The following C12orf57 variants were observed in gnomAD, a reference collection of about 807,000 sequenced individuals.
The protein encoded by C12orf57 is chromosome 12 open reading frame 57.
A neutral mutation model predicts 11.3 loss-of-function variants in C12orf57; 14 were observed. The ratio of observed to expected loss-of-function variants is 1.24; its 90% confidence interval spans 0.82 to 1.94. The LOEUF is 1.94. C12orf57 is among the 30% of genes most tolerant of loss of function. The pLI, the probability that C12orf57 is intolerant of heterozygous loss-of-function variation, is 0.00. For synonymous variants in C12orf57, 100 were observed against 74.6 expected (o/e 1.34, Z -1.76); for missense variants, 229 against 172.4 (o/e 1.33, Z -1.84).
At chr12:6,943,970 T>C (rs1395352721), upstream of C12orf57, 11 of 1,557,428 alleles carry the variant, frequency 7.1e-6, no homozygotes, top group African/African-American at 1.4e-5. Context: ...AAGCTTGGGG[T>C]ATGAAGGTTT....
intron 2 of C12orf57, among the ~76,000 whole-genome samples, chr12:6,945,367 G>C (rs74057229): frequency 0.015 from 2,208 of 152,106 alleles, 48 homozygotes; most frequent in African/African-American, 0.045. Flanking sequence ...TTTTTGTTTG[G>C]GGGGGGTTGG....
Position 6,944,242 on chromosome 12 carries a change from GGGAGGATGCGGGC to G in C12orf57, c.52+78_52+90del, listed in dbSNP as rs1219406002. On this transcript the variant is annotated intron_variant, in intron 1 of 2. Coordinates refer to ENST00000229281, the MANE Select transcript of C12orf57 (RefSeq NM_138425.4). ...AGTCAAGGCATGGGCTGCTGGTCTG[GGGAGGATGCGGGC>G]GGAGGATGTGGGGCGACAAACCTGG... 12 of 1,612,456 alleles carry G rather than the reference GGGAGGATGCGGGC, an allele frequency of 7.4e-6. No homozygotes were observed. The East Asian group carries it at 1.3e-4, about 18-fold the overall frequency.
In C12orf57 at chr12:6,945,911, G is replaced by T; in HGVS notation, c.370G>T (p.Ala124Ser). 6.2e-7 allele frequency: 1 copy of T among 1,611,404 alleles called. No homozygotes were observed. The highest frequency in any genetic ancestry group is 8.5e-7 in the Non-Finnish European group (1 of 1,179,614). ...TGGGCCTGCTGCTGGTGGCAGCGTG[G>T]CCGCCTCCTGAGAGTTGGCCCTCCC... ...PHGPAAGGSV[A>S]AS Residue 124 changes from alanine (A) to serine (S), a missense_variant, in exon 3 of 3, where the codon GCC (alanine) becomes TCC (serine). Physicochemically the swap from Ala to Ser is moderately conservative, Grantham distance 99. Coordinates refer to ENST00000229281, the MANE Select transcript of C12orf57 (RefSeq NM_138425.4).
upstream of C12orf57, chr12:6,943,944 G>T (rs782323046): frequency 9.7e-6 from 14 of 1,446,370 alleles, no homozygotes; most frequent in East Asian, 2.3e-5. Context: ...AGTTTTGGTG[G>T]TCTTGATGCA....
upstream of C12orf57, chr12:6,943,924 A>G (rs782090372): frequency 1.0e-4 from 137 of 1,319,576 alleles, no homozygotes; most frequent in African/African-American, 1.8e-4. Context: ...ACTGTGCAAA[A>G]ATTATGGGTA....
intron 2 of C12orf57, chr12:6,944,911 T>C (rs1945761898): frequency 7.4e-7 from 1 of 1,358,402 alleles, no homozygotes; most frequent in African/African-American, 1.5e-5. Flanking sequence ...TTTTTTCAGA[T>C]TTCGGAATAT....
upstream of C12orf57, chr12:6,943,895 C>A (rs144953190): frequency 1.3e-4 from 136 of 1,082,478 alleles, no homozygotes; most frequent in Middle Eastern, 3.0e-4. Context: ...ATGTTTGTTG[C>A]CAATGATAGA....
Position 6,944,097 on chromosome 12 carries a change from C to T in C12orf57, c.-25C>T, listed in dbSNP as rs782565544. ...TTCGTGAGTTTTCCATTTACCTCCG[C>T]TGAACCTAGAGCTTCAGACGCCCTA... On this transcript the variant is annotated 5_prime_UTR_variant, in exon 1 of 3. Coordinates refer to ENST00000229281, the MANE Select transcript of C12orf57 (RefSeq NM_138425.4). 1 of 1,614,174 alleles carries T rather than the reference C, an allele frequency of 6.2e-7. No individual in the cohort carries two copies. The highest frequency in any genetic ancestry group is 8.5e-7 in the Non-Finnish European group (1 of 1,180,008).
upstream of C12orf57, chr12:6,943,510 C>T (rs1173419950): frequency 2.3e-6 from 3 of 1,277,734 alleles, no homozygotes; most frequent in African/African-American, 1.5e-5. Context: ...GCGACAACGG[C>T]TTTTGCTCTG....
At chr12:6,945,625 C>T in intron 2 of C12orf57, 146 bp from the exon 3 acceptor site, 1 of 812,182 alleles carries the variant, frequency 1.2e-6, no homozygotes, top group Non-Finnish European at 2.1e-6. Flanking sequence ...CCAAACCACA[C>T]GGGACAGAGG....
At chr12:6,944,452 C>T (rs781793091) in intron 1 of C12orf57, 24 bp from the exon 2 acceptor site, 2 of 1,607,446 alleles carry the variant, frequency 1.2e-6, no homozygotes, top group Middle Eastern at 2.2e-4. Context: ...CGGGACGCCT[C>T]CCTGGGATGC....
upstream of C12orf57, chr12:6,943,712 C>T (rs1555145379): frequency 1.3e-5 from 17 of 1,276,830 alleles, no homozygotes; most frequent in African/African-American, 1.5e-5. Flanking sequence ...CCACATGCGT[C>T]GTTGTTTATA....
rs782414883 is a variant in C12orf57, at chr12:6,945,805, C to T, written c.264C>T (p.Tyr88=). 18 of 1,613,656 alleles carry T rather than the reference C, an allele frequency of 1.1e-5. No homozygotes were observed. Among genetic ancestry groups the T allele is most frequent in the Non-Finnish European group, 1.4e-5 (17 of 1,179,868 alleles). The part of the protein sequence containing the change: ...VLKFARLVKS[Y]EAQDPEIASL... Reference sequence around the variant, plus strand: ...AGTTTGCTCGCTTGGTCAAGTCCTACGAAGCCCAGGATCCTGAGATCGCCA... The same window carrying T: ...AGTTTGCTCGCTTGGTCAAGTCCTATGAAGCCCAGGATCCTGAGATCGCCA... Residue 88 remains tyrosine, a synonymous_variant, in exon 3 of 3, where the codon TAC becomes TAT. Transcript: ENST00000229281.
chr12:6,944,430 CCGACGCCTACCCG>C, intron 1 of C12orf57, 33 bp from the exon 2 acceptor site: 1 of 1,592,142 alleles, frequency 6.3e-7, no homozygotes, highest in African/African-American at 1.3e-5. Context: ...TGTCTGTTCT[CCGACGCCTACCCG>C]GGACGCCTCC....
intron 1 of C12orf57, 77 bp from the exon 2 acceptor site, chr12:6,944,399 T>C: frequency 6.4e-7 from 1 of 1,565,664 alleles, no homozygotes; most frequent in Non-Finnish European, 8.6e-7. Flanking sequence ...ACTAATTCCT[T>C]GCGCTCTCCG....
intron 1 of C12orf57, 21 bp from the exon 2 acceptor site, chr12:6,944,455 T>C (rs1945741098): frequency 6.2e-7 from 1 of 1,608,496 alleles, no homozygotes; most frequent in South Asian, 1.1e-5. Context: ...GACGCCTCCC[T>C]GGGATGCTTC....
At position 6,944,571 on chromosome 12, in the gene C12orf57, A is replaced by G. The variant is rs1555146041; in HGVS notation, c.148A>G (p.Met50Val). The change falls in exon 2 of 3, where the codon ATG becomes GTG. Residue 50 changes from methionine to valine, a missense_variant. Coordinates refer to ENST00000229281, the MANE Select transcript of C12orf57 (RefSeq NM_138425.4). ...TAACGCCTGCAACGACATGGGTAAG[A>G]TGCTGCAATTCGTGCTGCCCGTGGC... is the stretch of plus-strand genomic sequence containing the variant. ...RDNACNDMGK[M>V]LQFVLPVATQ... The G allele has an allele frequency of 6.2e-7, 1 of 1,614,188 alleles. No individual in the cohort carries two copies. Among genetic ancestry groups the G allele is most frequent in the South Asian group, 1.1e-5 (1 of 91,092 alleles).
chr12:6,945,636 C>A, intron 2 of C12orf57, 135 bp from the exon 3 acceptor site: 2 of 866,422 alleles, frequency 2.3e-6, no homozygotes, highest in African/African-American at 1.7e-5. Context: ...GGGACAGAGG[C>A]CTGCATGCGT....
upstream of C12orf57, chr12:6,943,556 C>A (rs1228664476): frequency 1.6e-6 from 2 of 1,288,344 alleles, no homozygotes; most frequent in Non-Finnish European, 2.0e-6. Context: ...CCGGGCTTAA[C>A]AACAACGAAG....
Sources: allele counts gnomAD v4.1 joint callset (sites outside exome capture counted in the v4.1 genomes callset), GRCh38; gene constraint gnomAD v4.1.1; transcripts MANE v1.5; gene names NCBI Gene and HGNC (gene_info 2026-07-23, HGNC 2026-07-21).